Variants in AKNA observed in about 807,000 individuals in gnomAD.
AKNA encodes microtubule organization protein AKNA.
In AKNA, 67 loss-of-function variants were observed where a neutral mutation model predicts 138.8. That is an observed-to-expected ratio of 0.48 (90% CI 0.40 to 0.59). AKNA has a LOEUF of 0.59. Among genes scored for constraint, AKNA ranks in the 20% least tolerant of loss-of-function variants. The pLI, the probability that AKNA is intolerant of heterozygous loss-of-function variation, is 0.00. For synonymous variants in AKNA, 737 were observed against 754.4 expected (o/e 0.98, Z 0.38); for missense variants, 1,813 against 1,880.4 (o/e 0.96, Z 0.66).
Position 114,359,998 on chromosome 9 carries a change from C to A in AKNA, c.2189G>T (p.Ser730Ile). Residue 730 changes from serine to isoleucine, a missense_variant, in exon 10 of 22, where the codon AGC becomes ATC. Physicochemically the swap from Ser to Ile is moderately radical, Grantham distance 142. Coordinates refer to ENST00000374088, the MANE Select transcript of AKNA (RefSeq NM_001317950.2). ...GTCCTCCACCTCACTGTTGCCAGAG[C>A]TCACCTCCACATTTACGTGCAATGG... ...PCPLHVNVEV[S>I]SGNSEVEDRP... 6.2e-7 allele frequency: 1 copy of A among 1,614,228 alleles called. No individual in the cohort carries two copies. The highest frequency in any genetic ancestry group is 8.5e-7 in the Non-Finnish European group (1 of 1,180,036).
chr9:114,375,934 C>G (rs1454448101), intron 3 of AKNA: 1 of 454,046 alleles, frequency 2.2e-6, no homozygotes, highest in Non-Finnish European at 4.4e-6. Context: ...GTTCCTGGCC[C>G]AAACCCCAGG....
intron 15 of AKNA, chr9:114,349,021 G>A: frequency 2.2e-6 from 1 of 452,474 alleles, no homozygotes; most frequent in Non-Finnish European, 4.5e-6. Context: ...TGTGTCTGAG[G>A]GCAGTGGGTT....
At chr9:114,338,826 G>A (rs779808429) in intron 21 of AKNA, among the ~76,000 whole-genome samples, 5 of 152,196 alleles carry the variant, frequency 3.3e-5, no homozygotes, top group Non-Finnish European at 7.3e-5. Context: ...CTCCATAAAC[G>A]TGAGCTCCTA....
downstream of AKNA, chr9:114,330,760 C>G: frequency 6.2e-7 from 1 of 1,609,746 alleles, no homozygotes; most frequent in East Asian, 2.2e-5. Context: ...GATAACATTA[C>G]TGTTTTTCTT....
In AKNA at chr9:114,381,388, T is replaced by C; in HGVS notation, c.-55A>G. On this transcript the variant is annotated 5_prime_UTR_variant, in exon 2 of 22. Transcript: ENST00000374088. Reference sequence around the variant, plus strand: ...CTTCATCTTCAGGAGACAGAGCTGCTGCCAGGGGCCCCAGAGTCACCGCTG... The same window carrying C: ...CTTCATCTTCAGGAGACAGAGCTGCCGCCAGGGGCCCCAGAGTCACCGCTG... 6.8e-7 allele frequency: 1 copy of C among 1,471,546 alleles called. No homozygotes were observed. Among genetic ancestry groups the C allele is most frequent in the Non-Finnish European group, 9.0e-7 (1 of 1,114,304 alleles). 91.2% of individuals were successfully genotyped at this position (1,471,546 alleles called of 1,614,324 possible). A position where few individuals can be genotyped will look rare whatever the true frequency, so the allele number is the denominator to read the frequency against.
At chr9:114,372,970 G>GC (rs1554842089) in intron 4 of AKNA, among the ~76,000 whole-genome samples, 3 of 141,488 alleles carry the variant, frequency 2.1e-5, no homozygotes, top group African/African-American at 7.8e-5. Context: ...GCAGCGGGGG[G>GC]GGGGGGGGTC....
upstream of AKNA, among the ~76,000 whole-genome samples, chr9:114,391,853 CAAAAAAAAAA>C (rs61158842): frequency 3.2e-5 from 2 of 63,064 alleles, no homozygotes; most frequent in Non-Finnish European, 5.7e-5. Flanking sequence ...GACTCTGTCT[CAAAAAAAAAA>C]AAAAAAAAAA....
chr9:114,351,584 G>A (rs1441259626), intron 14 of AKNA, among the ~76,000 whole-genome samples: 7 of 151,932 alleles, frequency 4.6e-5, no homozygotes, highest in South Asian at 2.1e-4. Flanking sequence ...AGGCTGAGAC[G>A]GGAGGATTGC....
chr9:114,368,255 G>C, intron 5 of AKNA, 184 bp downstream of exon 5: 1 of 614,458 alleles, frequency 1.6e-6, no homozygotes, highest in Non-Finnish European at 2.4e-6. Flanking sequence ...GGCTGCTGTG[G>C]ATCAAAGCAG....
Position 114,376,849 on chromosome 9 carries a change from G to A in AKNA, c.958C>T (p.Pro320Ser). Residue 320 changes from proline (P) to serine (S), a missense_variant, in exon 3 of 22, where the codon CCC (proline) becomes TCC (serine). Coordinates refer to ENST00000374088, the MANE Select transcript of AKNA (RefSeq NM_001317950.2). ...RFIGSISPLN[P>S]QPRPTRQGRP... The stretch of plus-strand genomic sequence containing the variant: ...CCCTGCCGCGTTGGCCTGGGCTGGG[G>A]ATTCAGGGGGCTGATGGAGCCAATG... 6.2e-7 allele frequency: 1 copy of A among 1,614,080 alleles called. No homozygotes were observed. Among genetic ancestry groups the A allele is most frequent in the South Asian group, 1.1e-5 (1 of 91,076 alleles).
At chr9:114,364,410 G>A (rs985888615) in intron 7 of AKNA, 150 bp downstream of exon 7, 2 of 759,154 alleles carry the variant, frequency 2.6e-6, no homozygotes, top group Non-Finnish European at 4.7e-6. Context: ...CGTTATCATG[G>A]GAAGCTACTC....
intron 1 of AKNA, among the ~76,000 whole-genome samples, chr9:114,386,900 C>T (rs980661557): frequency 1.3e-5 from 2 of 152,112 alleles, no homozygotes; most frequent in Admixed American, 6.6e-5. Context: ...ACAGCCTCCC[C>T]GTGCCCTCTG....
downstream of AKNA, chr9:114,332,986 A>C: frequency 6.3e-7 from 1 of 1,587,672 alleles, no homozygotes; most frequent in Non-Finnish European, 8.6e-7. Flanking sequence ...GCCAGAGCTC[A>C]TTCTGCCCTC....
chr9:114,359,854 G>T (rs771107202), intron 10 of AKNA, 42 bp downstream of exon 10: 1 of 1,613,726 alleles, frequency 6.2e-7, no homozygotes, highest in South Asian at 1.1e-5. Context: ...CCAAGATCCA[G>T]CTGCTGGCCA....
intron 14 of AKNA, among the ~76,000 whole-genome samples, chr9:114,354,900 GCT>G (rs1176917613): frequency 7.7e-6 from 1 of 129,364 alleles, no homozygotes; most frequent in Non-Finnish European, 1.6e-5. Flanking sequence ...ACAGAGTCTT[GCT>G]CTGTCACCCA....
intron 6 of AKNA, 40 bp downstream of exon 6, chr9:114,367,503 G>A (rs1383433231): frequency 3.7e-6 from 6 of 1,606,118 alleles, no homozygotes; most frequent in Non-Finnish European, 5.1e-6. Flanking sequence ...TTCTCCAGGT[G>A]AGTTAAGTCT....
intron 5 of AKNA, 28 bp downstream of exon 5, chr9:114,368,410 TC>T: frequency 7.6e-7 from 1 of 1,310,162 alleles, no homozygotes. Context: ...AGAAGGAGCC[TC>T]CAGCTGCAGC....
chr9:114,338,736 G>A (rs1830151133), intron 21 of AKNA, among the ~76,000 whole-genome samples: 2 of 152,126 alleles, frequency 1.3e-5, no homozygotes, highest in Admixed American at 6.5e-5. Context: ...CACCTAAAAC[G>A]ACCACAGTTA....
chr9:114,351,021 G>A lies in AKNA; in HGVS notation c.3059C>T (p.Ala1020Val), dbSNP rs370106843. ...SLERTLAAEMAVPGSEFEGHK... is the reference protein window; with the variant it reads ...SLERTLAAEMVVPGSEFEGHK... ...CCCCTCAAACTCTGAGCCAGGAACCGCTAGGGAGGCAGAGAGAGAACCCAA... is the reference window on the plus strand; with the variant it reads ...CCCCTCAAACTCTGAGCCAGGAACCACTAGGGAGGCAGAGAGAGAACCCAA... The change falls in exon 15 of 22, where the codon GCG (alanine) becomes GTG (valine). Residue 1020 changes from alanine to valine, a missense_variant and splice_region_variant. Coordinates refer to ENST00000374088, the MANE Select transcript of AKNA (RefSeq NM_001317950.2). 175 of 1,613,274 alleles carry A rather than the reference G, an allele frequency of 1.1e-4. No individual in the cohort carries two copies. Among genetic ancestry groups the A allele is most frequent in the African/African-American group, 1.7e-4 (13 of 75,016 alleles).
Sources: gnomAD v4.1 joint callset for allele counts (sites outside exome capture counted in the v4.1 genomes callset) on GRCh38, gnomAD v4.1.1 for gene constraint, MANE v1.5 for transcripts, NCBI Gene and HGNC (gene_info 2026-07-23, HGNC 2026-07-21) for gene names.